GARRE1: variants seen among roughly 807,000 people sequenced by gnomAD.
The protein encoded by GARRE1 is granule associated Rac and RHOG effector protein 1.
GARRE1 carries 49 observed loss-of-function variants against 103.2 expected under a neutral mutation model. The observed-to-expected ratio is 0.47, with a 90% confidence interval of 0.38 to 0.60. The LOEUF (loss-of-function observed/expected upper bound fraction) is 0.60. Among genes scored for constraint, GARRE1 ranks in the 20% least tolerant of loss-of-function variants. The probability of loss-of-function intolerance (pLI) is 0.00; values close to 1 mark genes in which losing one functional copy is unlikely to be tolerated. For synonymous variants in GARRE1, 505 were observed against 532.8 expected (o/e 0.95, Z 0.72); for missense variants, 1,199 against 1,370.5 (o/e 0.87, Z 1.98).
chr19:34,255,364 G>T (rs1363681431), intron 1 of GARRE1, among the ~76,000 whole-genome samples: 2 of 152,180 alleles, frequency 1.3e-5, no homozygotes, highest in Non-Finnish European at 2.9e-5. Flanking sequence ...ACTCAGCTTT[G>T]GGGGCCTCCA....
intron 12 of GARRE1, among the ~76,000 whole-genome samples, chr19:34,349,425 G>A (rs2074226901): frequency 6.6e-6 from 1 of 152,206 alleles, no homozygotes; most frequent in African/African-American, 2.4e-5. Flanking sequence ...CATTTCTGTG[G>A]GAAGAGCAGG....
intron 2 of GARRE1, among the ~76,000 whole-genome samples, chr19:34,304,617 A>T (rs921072653): frequency 6.6e-6 from 1 of 151,726 alleles, no homozygotes; most frequent in African/African-American, 2.4e-5. Context: ...ACCTCAAGTG[A>T]TCCACCTACC....
chr19:34,258,865 G>A (rs773301980), intron 1 of GARRE1, among the ~76,000 whole-genome samples: 1 of 151,908 alleles, frequency 6.6e-6, no homozygotes, highest in Non-Finnish European at 1.5e-5. Flanking sequence ...AGGAGTTGGA[G>A]ACCAGCCTGG....
At position 34,300,773 on chromosome 19, in the gene GARRE1, C is replaced by T; in HGVS notation, c.300C>T (p.Leu100=). The change falls in exon 2 of 14, where the codon CTC becomes CTT. Residue 100 remains leucine, a synonymous_variant. Transcript: ENST00000299505. The part of the protein sequence containing the change: ...FCRASTFLTD[L]FSTVFRNSHY... ...GTGCCAGTACTTTCCTCACAGATCT[C>T]TTCAGCACTGTGTTCAGGAACTCTC... The T allele has an allele frequency of 1.2e-6, 2 of 1,614,202 alleles. No homozygotes were observed. The highest frequency in any genetic ancestry group is 1.7e-6 in the Non-Finnish European group (2 of 1,179,988).
At chr19:34,289,044 G>A (rs1035864419) in intron 1 of GARRE1, among the ~76,000 whole-genome samples, 114 of 152,184 alleles carry the variant, frequency 7.5e-4, no homozygotes, top group Non-Finnish European at 1.3e-3. Flanking sequence ...TGAGGTAGGA[G>A]AATTGCTTGA....
rs1412052292 is a variant in GARRE1, at chr19:34,352,859, G to T, written c.3117G>T (p.Gln1039His). 4 of 1,154,494 alleles carry T rather than the reference G, an allele frequency of 3.5e-6. No individual in the cohort carries two copies. Among genetic ancestry groups the T allele is most frequent in the Non-Finnish European group, 5.1e-6 (4 of 790,602 alleles). 71.5% of individuals were successfully genotyped at this position (1,154,494 alleles called of 1,614,324 possible). Reference sequence around the variant, plus strand: ...TCTCCTATGTGCAGACCCCACCCCAGCCCCCACCCCCACCAGCACACAAGG... The same window carrying T: ...TCTCCTATGTGCAGACCCCACCCCATCCCCCACCCCCACCAGCACACAAGG... Reference protein sequence around the residue: ...AAFSYVQTPPQPPPPPAHKAA... With the variant: ...AAFSYVQTPPHPPPPPAHKAA... The change falls in exon 14 of 14, where the codon CAG (glutamine) becomes CAT (histidine). Residue 1039 changes from glutamine to histidine, a missense_variant. Gln to His is a conservative substitution (Grantham distance 24). Coordinates refer to ENST00000299505, the MANE Select transcript of GARRE1 (RefSeq NM_014686.5).
intron 1 of GARRE1, among the ~76,000 whole-genome samples, chr19:34,276,861 C>T (rs752819066): frequency 1.3e-5 from 2 of 150,196 alleles, no homozygotes; most frequent in Non-Finnish European, 2.9e-5. Flanking sequence ...GTGAACAAGC[C>T]ATTGCTGTCT....
intron 1 of GARRE1, among the ~76,000 whole-genome samples, chr19:34,262,315 T>TTTTTTTTTTTTTTTTG (rs1180314605): frequency 7.0e-6 from 1 of 143,836 alleles, no homozygotes; most frequent in Admixed American, 7.1e-5. Flanking sequence ...TTTTTTTTTT[T>TTTTTTTTTTTTTTTTG]GAGGCGGAGT....
rs565483879 is a variant in GARRE1 at position 34,255,165 on chromosome 19, T to C, written c.-796+551T>C. ...GCTTTTCCGGCCCTGCGGAGCCAGC[T>C]GGCGCATTGGGCCCGAGGGGAGGGT... On this transcript the variant is annotated intron_variant, in intron 1 of 13. Transcript: ENST00000299505. 2.5e-4 allele frequency among the ~76,000 whole-genome samples: 28 copies of C among 113,006 alleles called. No individual in the cohort carries two copies. In the East Asian group the frequency reaches 3.1e-3, roughly 13 times the overall value. The allele number at this position is 113,006 out of a possible 152,430, so 74.1% of individuals were successfully genotyped here.
chr19:34,318,771 G>A (rs1162299740), intron 2 of GARRE1, among the ~76,000 whole-genome samples: 1 of 152,138 alleles, frequency 6.6e-6, no homozygotes, highest in Non-Finnish European at 1.5e-5. Context: ...GCCGGGCATG[G>A]GAGCTCATGC....
At chr19:34,290,164 C>T (rs931441693) in intron 1 of GARRE1, among the ~76,000 whole-genome samples, 4 of 152,054 alleles carry the variant, frequency 2.6e-5, no homozygotes, top group African/African-American at 9.7e-5. Flanking sequence ...CAAGACCAGC[C>T]TGGGGAACAT....
intron 1 of GARRE1, among the ~76,000 whole-genome samples, chr19:34,272,547 G>T (rs2073794110): frequency 6.6e-6 from 1 of 152,158 alleles, no homozygotes; most frequent in South Asian, 2.1e-4. Flanking sequence ...TCCTGGGTCT[G>T]GTCCTTGGAG....
intron 1 of GARRE1, among the ~76,000 whole-genome samples, chr19:34,297,850 T>C (rs554742082): frequency 1.3e-5 from 2 of 152,324 alleles, no homozygotes; most frequent in South Asian, 4.1e-4. Context: ...TTTAAAGAGC[T>C]CAAATTTTGT....
Position 34,354,270 on chromosome 19 carries a change from A to G in GARRE1, c.*1315A>G, listed in dbSNP as rs1041422178. 3.3e-5 allele frequency: 5 copies of G among 152,190 alleles called. No individual in the cohort carries two copies. The highest frequency in any genetic ancestry group is 1.3e-4 in the Admixed American group (2 of 15,268). The allele number at this position is 152,190 out of a possible 1,614,324, so 9.4% of individuals were successfully genotyped here. ...CCATTTTAATATATGTTAACTACTA[A>G]TAAATGGTTTATTCTTTCTAACTCC... is the stretch of plus-strand genomic sequence containing the variant. On this transcript the variant is annotated 3_prime_UTR_variant, in exon 14 of 14. Coordinates refer to ENST00000299505, the MANE Select transcript of GARRE1 (RefSeq NM_014686.5).
chr19:34,284,127 CTTTTT>C (rs10608784), intron 1 of GARRE1, among the ~76,000 whole-genome samples: 5 of 73,432 alleles, frequency 6.8e-5, no homozygotes, highest in Non-Finnish European at 5.1e-5. Context: ...GCCCGGCTTT[CTTTTT>C]TTTTTTTTTT....
intron 1 of GARRE1, among the ~76,000 whole-genome samples, chr19:34,263,807 A>G (rs1282651614): frequency 6.6e-6 from 1 of 152,128 alleles, no homozygotes; most frequent in East Asian, 1.9e-4. Context: ...TTTTAACAAT[A>G]ACTTTTAAAA....
intron 1 of GARRE1, among the ~76,000 whole-genome samples, chr19:34,265,830 C>T (rs1419606411): frequency 6.6e-6 from 1 of 152,166 alleles, no homozygotes; most frequent in East Asian, 1.9e-4. Flanking sequence ...ATTTAATCCT[C>T]AGCAGTACTG....
chr19:34,300,921 G>C lies in GARRE1; in HGVS notation c.448G>C (p.Ala150Pro). ...AKMLMELSAG[A>P]ANFTDQKEFS... ...GATGCTAATGGAACTTAGTGCTGGG[G>C]CTGCAAATTTTACGGATCAGAAGGA... The change falls in exon 2 of 14, where the codon GCT becomes CCT. Residue 150 changes from alanine (A) to proline (P), a missense_variant. By Grantham distance (27) the Ala-to-Pro change is conservative. Coordinates refer to ENST00000299505, the MANE Select transcript of GARRE1 (RefSeq NM_014686.5). The C allele has an allele frequency of 6.2e-7, 1 of 1,606,128 alleles. No individual in the cohort carries two copies.
intron 3 of GARRE1, among the ~76,000 whole-genome samples, chr19:34,323,213 A>G (rs898959773): frequency 6.6e-6 from 1 of 151,010 alleles, no homozygotes; most frequent in African/African-American, 2.4e-5. Flanking sequence ...TTGTATTTTT[A>G]GTAGAGACAG....
Sources: allele counts gnomAD v4.1 joint callset (sites outside exome capture counted in the v4.1 genomes callset), GRCh38; gene constraint gnomAD v4.1.1; transcripts MANE v1.5; gene names NCBI Gene and HGNC (gene_info 2026-07-23, HGNC 2026-07-21).